The following ADGRG1 variants were observed in gnomAD, a reference collection of about 807,000 sequenced individuals.
ADGRG1 encodes adhesion G protein-coupled receptor G1.
In ADGRG1, 53 loss-of-function variants were observed where a neutral mutation model predicts 73.5. The observed-to-expected ratio is 0.72, with a 90% CI of 0.58 to 0.91. The LOEUF is 0.91. ADGRG1 is among the 40% of genes least tolerant of loss of function. The probability of loss-of-function intolerance (pLI) is 0.00; values close to 1 mark genes in which losing one functional copy is unlikely to be tolerated. For synonymous variants in ADGRG1, 394 were observed against 374.4 expected (o/e 1.05, Z -0.60); for missense variants, 795 against 871.8 (o/e 0.91, Z 1.11).
intron 11 of ADGRG1, chr16:57,660,355 G>T (rs576982052): frequency 3.0e-6 from 3 of 984,698 alleles, no homozygotes; most frequent in East Asian, 2.3e-4. Context: ...GAGGTGGGCA[G>T]CCCCCTCTAG....
intron 5 of ADGRG1, among the ~76,000 whole-genome samples, chr16:57,654,493 C>T (rs564815625): frequency 1.4e-5 from 2 of 146,618 alleles, no homozygotes; most frequent in East Asian, 4.3e-4. Context: ...TCATGTCTCA[C>T]TGCAGCCTCA....
chr16:57,651,640 C>G lies in ADGRG1; in HGVS notation c.487+18C>G. The G allele has an allele frequency of 6.2e-7, 1 of 1,610,562 alleles. No individual in the cohort carries two copies. Among genetic ancestry groups the G allele is most frequent in the South Asian group, 1.1e-5 (1 of 90,696 alleles). ...CTTCCACAGTAAGGCAACTTCCAGG[C>G]GGAGGGAACAACTGGGCAGTGGTCT... On this transcript the variant is annotated intron_variant, in intron 3 of 13. Transcript: ENST00000562631.
intron 1 of ADGRG1, 134 bp downstream of exon 1, chr16:57,628,936 G>GTA (rs2036705575): frequency 1.3e-6 from 1 of 779,324 alleles, no homozygotes; most frequent in African/African-American, 2.1e-5. Context: ...GAGTGTGAGT[G>GTA]TGAGCGTGAG....
At chr16:57,654,369 C>A (rs1376085598) in intron 5 of ADGRG1, among the ~76,000 whole-genome samples, 2 of 150,972 alleles carry the variant, frequency 1.3e-5, no homozygotes, top group African/African-American at 4.9e-5. Flanking sequence ...TGGGGCCACC[C>A]GTGTGAACAG....
At chr16:57,629,104 A>T in intron 1 of ADGRG1, 1 of 841,608 alleles carries the variant, frequency 1.2e-6, no homozygotes, top group Middle Eastern at 6.0e-4. Context: ...GTAAGTGTGG[A>T]TGTGTGCATC....
At chr16:57,632,931 G>A (rs1010766194) in intron 1 of ADGRG1, 11 of 985,398 alleles carry the variant, frequency 1.1e-5, no homozygotes, top group Middle Eastern at 1.0e-3. Flanking sequence ...CCAGACTCGG[G>A]GCCACTTACA....
chr16:57,639,773 C>T (rs2040309533), intron 1 of ADGRG1: 1 of 792,402 alleles, frequency 1.3e-6, no homozygotes, highest in Non-Finnish European at 1.5e-6. Flanking sequence ...CACTCCCCTT[C>T]CCCTCCAGCT....
At chr16:57,641,152 A>T (rs1217751439) in intron 1 of ADGRG1, 1 of 813,366 alleles carries the variant, frequency 1.2e-6, no homozygotes, top group Non-Finnish European at 1.5e-6. Flanking sequence ...GGGGACAAAC[A>T]TCAGAGTTGC....
intron 1 of ADGRG1, chr16:57,629,442 A>T (rs1438329027): frequency 6.6e-6 from 1 of 152,410 alleles, no homozygotes; most frequent in Non-Finnish European, 1.5e-5. Flanking sequence ...CTGGGAGGGC[A>T]GGTGGCTTGC....
chr16:57,658,767 C>A (rs1199268295), intron 10 of ADGRG1: 1 of 157,738 alleles, frequency 6.3e-6, no homozygotes, highest in Admixed American at 6.5e-5. Flanking sequence ...ACTCTCACCC[C>A]AACCCTATGA....
intron 1 of ADGRG1, chr16:57,631,693 G>A (rs770893508): frequency 1.3e-5 from 13 of 985,380 alleles, no homozygotes; most frequent in East Asian, 1.1e-4. Flanking sequence ...AATGGGGGGC[G>A]GGGCGGGCTG....
At chr16:57,620,094 C>G (rs908939119), upstream of ADGRG1, 2 of 152,356 alleles carry the variant, frequency 1.3e-5, no homozygotes, top group Non-Finnish European at 2.9e-5. Flanking sequence ...GAGGAGCAGG[C>G]CACACAGGCA....
chr16:57,638,814 G>A (rs2040005581), intron 1 of ADGRG1, among the ~76,000 whole-genome samples: 1 of 152,162 alleles, frequency 6.6e-6, no homozygotes, highest in South Asian at 2.1e-4. Flanking sequence ...GCTCACACCT[G>A]TAATCCCAGC....
At position 57,660,761 on chromosome 16, in the gene ADGRG1, C is replaced by A; in HGVS notation, c.1556-7C>A. On this transcript the variant is annotated splice_region_variant and splice_polypyrimidine_tract_variant and intron_variant, in intron 11 of 13. Transcript: ENST00000562631. Reference sequence around the variant, plus strand: ...GGAAGTAGAGCAACATGCATTGCCACCCTCAGGCTTCCCCATCTTTCTGGT... The same window carrying A: ...GGAAGTAGAGCAACATGCATTGCCAACCTCAGGCTTCCCCATCTTTCTGGT... 1 of 1,589,206 alleles carries A rather than the reference C, an allele frequency of 6.3e-7. No individual in the cohort carries two copies.
Position 57,660,751 on chromosome 16 carries a change from T to C in ADGRG1, c.1556-17T>C, listed in dbSNP as rs1247171048. ...TCAGAGAGCGGGAAGTAGAGCAACA[T>C]GCATTGCCACCCTCAGGCTTCCCCA... On this transcript the variant is annotated splice_polypyrimidine_tract_variant and intron_variant, in intron 11 of 13. Transcript: ENST00000562631. 3 of 1,560,472 alleles carry C rather than the reference T, an allele frequency of 1.9e-6. No individual in the cohort carries two copies. The African/African-American group carries it at 4.1e-5, about 21-fold the overall frequency.
At chr16:57,631,687 G>C in intron 1 of ADGRG1, 3 of 985,484 alleles carry the variant, frequency 3.0e-6, no homozygotes, top group Non-Finnish European at 3.6e-6. Flanking sequence ...ATGGCAAATG[G>C]GGGGCGGGGC....
rs763537362 is a variant in ADGRG1 at position 57,657,398 on chromosome 16, T to TGCACAA, written c.1198_1203dup (p.Lys400_His401dup). On this transcript the variant is annotated inframe_insertion, in exon 10 of 14. Transcript: ENST00000562631. The stretch of plus-strand genomic sequence containing the variant: ...GTCTCCTCGGTGGAGGTGGACGCCG[T>TGCACAA]GCACAAGCACTACCTGAGCCTCCTC... 6.2e-7 allele frequency: 1 copy of TGCACAA among 1,614,102 alleles called. No homozygotes were observed. The highest frequency in any genetic ancestry group is 1.1e-5 in the South Asian group (1 of 91,088).
At chr16:57,627,989 G>A (rs1449400151), upstream of ADGRG1, 1 of 985,134 alleles carries the variant, frequency 1.0e-6, no homozygotes, top group East Asian at 1.1e-4. Flanking sequence ...AAGCCCCTGG[G>A]GTCTCAGAAT....
At chr16:57,627,208 G>T, upstream of ADGRG1, 1 of 440,152 alleles carries the variant, frequency 2.3e-6, no homozygotes, top group Non-Finnish European at 3.0e-6. Flanking sequence ...TGGCTCCTAG[G>T]CTGCCCGAGA....
Sources: gnomAD v4.1 joint callset for allele counts (sites outside exome capture counted in the v4.1 genomes callset) on GRCh38, gnomAD v4.1.1 for gene constraint, MANE v1.5 for transcripts, NCBI Gene and HGNC (gene_info 2026-07-23, HGNC 2026-07-21) for gene names.